The following KCTD16 variants were observed in gnomAD, a reference collection of about 807,000 sequenced individuals.
KCTD16 encodes the protein BTB/POZ domain-containing protein KCTD16.
In KCTD16, 13 loss-of-function variants were observed where a neutral mutation model predicts 33.2. The observed-to-expected ratio is 0.39, with a 90% CI of 0.25 to 0.62. The LOEUF is 0.62. Among genes scored for constraint, KCTD16 ranks in the 20% least tolerant of loss-of-function variants. The probability of loss-of-function intolerance (pLI) is 0.50; values close to 1 mark genes in which losing one functional copy is unlikely to be tolerated. For synonymous variants in KCTD16, 197 were observed against 195.3 expected (o/e 1.01, Z -0.07); for missense variants, 441 against 525.1 (o/e 0.84, Z 1.57).
chr5:144,370,502 A>G (rs1351956524), intron 3 of KCTD16, among the ~76,000 whole-genome samples: 2 of 152,156 alleles, frequency 1.3e-5, no homozygotes, highest in Non-Finnish European at 2.9e-5. Flanking sequence ...TCTTTACACA[A>G]TGTTGGTGCC....
Position 144,446,179 on chromosome 5 carries a change from T to C in KCTD16, c.833-27481T>C, listed in dbSNP as rs150593246. ...GTTTCTGCTTCTGTTAGTTAGTTGG[T>C]TGATTTTTTTAAATGTGGGTATTTG... is the stretch of plus-strand genomic sequence containing the variant. On this transcript the variant is annotated intron_variant, in intron 3 of 3. Coordinates refer to ENST00000512467, the MANE Select transcript of KCTD16 (RefSeq NM_020768.4). Among the ~76,000 whole-genome samples the C allele has an allele frequency of 9.3e-3, 1,413 of 152,036 alleles. 29 individuals carry two copies. The highest frequency in any genetic ancestry group is 0.031 in the African/African-American group (1,305 of 41,478).
At chr5:144,468,152 G>T (rs182452342) in intron 3 of KCTD16, among the ~76,000 whole-genome samples, 8 of 152,260 alleles carry the variant, frequency 5.3e-5, no homozygotes, top group African/African-American at 1.9e-4. Flanking sequence ...TCAGATGTCT[G>T]GGTCCAACCT....
At chr5:144,209,968 C>T (rs1753323234) in intron 3 of KCTD16, among the ~76,000 whole-genome samples, 1 of 150,172 alleles carries the variant, frequency 6.7e-6, no homozygotes, top group Middle Eastern at 3.2e-3. Context: ...AGCAATCAGT[C>T]TTTTTTAATA....
chr5:144,323,208 A>G (rs946690657), intron 3 of KCTD16, among the ~76,000 whole-genome samples: 16 of 152,186 alleles, frequency 1.1e-4, no homozygotes, highest in Admixed American at 7.9e-4. Flanking sequence ...CCTCAATACT[A>G]TACTTTTACC....
intron 3 of KCTD16, among the ~76,000 whole-genome samples, chr5:144,210,621 T>G (rs1461947239): frequency 6.6e-6 from 1 of 152,112 alleles, no homozygotes; most frequent in African/African-American, 2.4e-5. Context: ...CTAAATAAAA[T>G]GAGAACTATG....
intron 3 of KCTD16, among the ~76,000 whole-genome samples, chr5:144,439,033 G>GT (rs58143416): frequency 0.023 from 3,321 of 147,334 alleles, 56 homozygotes; most frequent in South Asian, 0.047. Context: ...AATTTCATCT[G>GT]TTTTTTTTTT....
chr5:144,397,721 C>A (rs1159367774), intron 3 of KCTD16, among the ~76,000 whole-genome samples: 1 of 152,160 alleles, frequency 6.6e-6, no homozygotes, highest in Non-Finnish European at 1.5e-5. Flanking sequence ...AAAGAGCCCG[C>A]ATTGCCAAGT....
chr5:144,341,425 T>C (rs1219080684), intron 3 of KCTD16, among the ~76,000 whole-genome samples: 1 of 152,180 alleles, frequency 6.6e-6, no homozygotes, highest in Admixed American at 6.5e-5. Context: ...GTTCTCCTCA[T>C]GCCTGACCTC....
intron 3 of KCTD16, among the ~76,000 whole-genome samples, chr5:144,219,989 G>A (rs1461264765): frequency 6.6e-6 from 1 of 152,126 alleles, no homozygotes; most frequent in Non-Finnish European, 1.5e-5. Flanking sequence ...TGGCCCTGGA[G>A]ACAGAAAAAA....
At chr5:144,301,372 A>T (rs1238853714) in intron 3 of KCTD16, among the ~76,000 whole-genome samples, 1 of 152,116 alleles carries the variant, frequency 6.6e-6, no homozygotes, top group Non-Finnish European at 1.5e-5. Flanking sequence ...GATTGAATTG[A>T]GTAAGACCAG....
chr5:144,225,476 A>C (rs17438802), intron 3 of KCTD16, among the ~76,000 whole-genome samples: 12,070 of 152,064 alleles, frequency 0.079, 565 homozygotes, highest in Middle Eastern at 0.17. Flanking sequence ...AAAAGATGTC[A>C]AAAGAATTCG....
chr5:144,222,506 GA>G (rs1451921731), intron 3 of KCTD16, among the ~76,000 whole-genome samples: 1 of 152,104 alleles, frequency 6.6e-6, no homozygotes, highest in Non-Finnish European at 1.5e-5. Flanking sequence ...CTTCTCAAAA[GA>G]AGACATTTAT....
intron 3 of KCTD16, among the ~76,000 whole-genome samples, chr5:144,254,511 TA>T (rs930882501): frequency 7.2e-5 from 11 of 152,102 alleles, no homozygotes; most frequent in African/African-American, 1.4e-4. Flanking sequence ...TACATGCCCT[TA>T]AAAAAATGCT....
chr5:144,372,895 A>AT (rs1214633483), intron 3 of KCTD16, among the ~76,000 whole-genome samples: 7 of 152,258 alleles, frequency 4.6e-5, no homozygotes, highest in Middle Eastern at 3.4e-3. Flanking sequence ...GCTTTATTTC[A>AT]TTTTTTTGCC....
At chr5:144,353,583 A>G (rs1337837504) in intron 3 of KCTD16, among the ~76,000 whole-genome samples, 1 of 152,212 alleles carries the variant, frequency 6.6e-6, no homozygotes. Flanking sequence ...AGTTCCTCAC[A>G]TATTATAAGC....
At chr5:144,377,174 T>G (rs1423919727) in intron 3 of KCTD16, among the ~76,000 whole-genome samples, 1 of 152,198 alleles carries the variant, frequency 6.6e-6, no homozygotes, top group East Asian at 1.9e-4. Context: ...AGGAGAAACA[T>G]CCCCTATTGG....
chr5:144,268,017 T>C (rs892410707), intron 3 of KCTD16, among the ~76,000 whole-genome samples: 1 of 152,162 alleles, frequency 6.6e-6, no homozygotes. Context: ...TTTGATGTAA[T>C]AATTTTGAAA....
rs2127007690 is a variant in KCTD16 at position 144,481,385 on chromosome 5, T to G, written c.*7271T>G. 6.6e-6 allele frequency: 1 copy of G among 152,052 alleles called. No homozygotes were observed. Among genetic ancestry groups the G allele is most frequent in the African/African-American group, 2.4e-5 (1 of 41,532 alleles). The allele number at this position is 152,052 out of a possible 1,614,324, so 9.4% of individuals were successfully genotyped here. ...TTCCCTCTCTGAGGATGGTAAAATCTTATTGGAAAATATGTTTCCTAGACT... is the reference window on the plus strand; with the variant it reads ...TTCCCTCTCTGAGGATGGTAAAATCGTATTGGAAAATATGTTTCCTAGACT... On this transcript the variant is annotated 3_prime_UTR_variant, in exon 4 of 4. Transcript: ENST00000512467.
chr5:144,210,528 A>G (rs1753352406), intron 3 of KCTD16, among the ~76,000 whole-genome samples: 1 of 152,188 alleles, frequency 6.6e-6, no homozygotes. Context: ...TACTTTCCCA[A>G]CCAACTGACT....
Sources: allele counts gnomAD v4.1 joint callset (sites outside exome capture counted in the v4.1 genomes callset), GRCh38; gene constraint gnomAD v4.1.1; transcripts MANE v1.5; gene names NCBI Gene and HGNC (gene_info 2026-07-23, HGNC 2026-07-21).